ATL1: variants seen among roughly 807,000 people sequenced by gnomAD.
The protein encoded by ATL1 is atlastin GTPase 1.
In ATL1, 31 loss-of-function variants were observed where a neutral mutation model predicts 75.5. That is an observed-to-expected ratio of 0.41 (90% confidence interval 0.31 to 0.55). The LOEUF (loss-of-function observed/expected upper bound fraction) is 0.55, where lower values mean the gene tolerates loss of function less well. ATL1 is among the 20% of genes least tolerant of loss of function. The probability of loss-of-function intolerance (pLI) is 0.27; values close to 1 mark genes in which losing one functional copy is unlikely to be tolerated. For synonymous variants in ATL1, 226 were observed against 233.3 expected, an observed-to-expected ratio of 0.97 and a Z score of 0.28; for missense variants, 405 against 662.6, an observed-to-expected ratio of 0.61 and a Z score of 4.27.
chr14:50,595,957 C>T (rs532790547), intron 6 of ATL1, among the ~76,000 whole-genome samples: 1 of 151,282 alleles, frequency 6.6e-6, no homozygotes, highest in Admixed American at 6.6e-5. Context: ...TGGGCCCAGC[C>T]TCATTTATGT....
At chr14:50,562,146 G>C (rs936286653) in intron 1 of ATL1, among the ~76,000 whole-genome samples, 1 of 151,916 alleles carries the variant, frequency 6.6e-6, no homozygotes, top group Admixed American at 6.6e-5. Flanking sequence ...CCGGGTTCAC[G>C]CCATTCTCCT....
intron 1 of ATL1, among the ~76,000 whole-genome samples, chr14:50,574,929 GTGTGTGTGTATATATATA>G (rs1288700268): frequency 1.1e-5 from 1 of 93,470 alleles, no homozygotes; most frequent in African/African-American, 4.9e-5. Flanking sequence ...GTGTGTGTGT[GTGTGTGTGTATATATATA>G]TATATATATA....
intron 1 of ATL1, among the ~76,000 whole-genome samples, chr14:50,567,989 G>C (rs1804420061): frequency 6.6e-6 from 1 of 152,160 alleles, no homozygotes; most frequent in Non-Finnish European, 1.5e-5. Flanking sequence ...GTATTTGTCT[G>C]TTAGGTCTAA....
chr14:50,560,469 C>A (rs1436949976), intron 1 of ATL1, 170 bp downstream of exon 1: 3 of 866,060 alleles, frequency 3.5e-6, no homozygotes, highest in African/African-American at 3.4e-5. Context: ...CATGGCCGAG[C>A]GGTACCCGCG....
At chr14:50,556,213 A>C (rs967780642), upstream of ATL1, among the ~76,000 whole-genome samples, 6 of 152,044 alleles carry the variant, frequency 3.9e-5, no homozygotes, top group Non-Finnish European at 5.9e-5. Context: ...AGATTGTACA[A>C]TTCAGTGGAG....
chr14:50,545,449 G>A (rs1483524534), intron 1 of ATL1, among the ~76,000 whole-genome samples: 2 of 152,186 alleles, frequency 1.3e-5, no homozygotes, highest in Non-Finnish European at 1.5e-5. Context: ...CAGGGTGGTC[G>A]ACGGCATCCA....
At chr14:50,596,157 G>A (rs2039214743) in intron 6 of ATL1, among the ~76,000 whole-genome samples, 1 of 152,054 alleles carries the variant, frequency 6.6e-6, no homozygotes, top group African/African-American at 2.4e-5. Context: ...ATAATAAAAG[G>A]TTATTTCACC....
chr14:50,611,702 T>C (rs2039367991), intron 6 of ATL1, among the ~76,000 whole-genome samples: 1 of 152,154 alleles, frequency 6.6e-6, no homozygotes, highest in African/African-American at 2.4e-5. Context: ...GGGAAATGCA[T>C]ATTGAACACA....
chr14:50,596,549 G>T (rs987708232), intron 6 of ATL1, among the ~76,000 whole-genome samples: 1 of 152,138 alleles, frequency 6.6e-6, no homozygotes, highest in Non-Finnish European at 1.5e-5. Context: ...AGCATGCAAG[G>T]TGTATGTACA....
At chr14:50,542,240 G>A (rs12896680) in intron 1 of ATL1, among the ~76,000 whole-genome samples, 5 of 146,144 alleles carry the variant, frequency 3.4e-5, no homozygotes, top group African/African-American at 7.6e-5. Flanking sequence ...ATGAGAACAC[G>A]TGGACACAGG....
upstream of ATL1, among the ~76,000 whole-genome samples, chr14:50,557,940 A>G (rs1462553699): frequency 6.6e-6 from 1 of 152,234 alleles, no homozygotes; most frequent in African/African-American, 2.4e-5. Flanking sequence ...TCAAAGACAA[A>G]AAGGGACAAT....
At chr14:50,542,116 TTAG>T (rs1045501213) in intron 1 of ATL1, among the ~76,000 whole-genome samples, 2 of 150,324 alleles carry the variant, frequency 1.3e-5, no homozygotes, top group African/African-American at 4.9e-5. Context: ...CTTCTAGGTC[TTAG>T]TAGAGGCTAG....
In ATL1 at chr14:50,564,647, C is replaced by CAAAAA. The variant is rs60054322; in HGVS notation, c.34+4374_34+4378dup. On this transcript the variant is annotated intron_variant, in intron 1 of 13. Coordinates refer to ENST00000358385, the MANE Select transcript of ATL1 (RefSeq NM_015915.5). ...TGGGCGACAGAGCAAGATTCCGTCT[C>CAAAAA]AAAAAAAAAAAAAAAAAAAAAAAAA... Among the ~76,000 whole-genome samples, 392 of 40,004 alleles carry CAAAAA rather than the reference C, an allele frequency of 9.8e-3. 4 individuals are homozygous for CAAAAA. The highest frequency in any genetic ancestry group is 0.026 in the Middle Eastern group (1 of 38). The allele number at this position is 40,004 out of a possible 152,430, so 26.2% of individuals were successfully genotyped here.
chr14:50,581,295 TTA>T (rs1566720832), intron 1 of ATL1, among the ~76,000 whole-genome samples: 1 of 152,048 alleles, frequency 6.6e-6, no homozygotes, highest in South Asian at 2.1e-4. Flanking sequence ...AGCAAGTTTT[TTA>T]TATGTCATAT....
At chr14:50,609,506 T>G (rs1213226658) in intron 6 of ATL1, among the ~76,000 whole-genome samples, 1 of 152,062 alleles carries the variant, frequency 6.6e-6, no homozygotes, top group African/African-American at 2.4e-5. Context: ...TGGGATATCA[T>G]AATTCAACCA....
chr14:50,604,927 A>G (rs1284464405), intron 6 of ATL1, among the ~76,000 whole-genome samples: 2 of 152,074 alleles, frequency 1.3e-5, no homozygotes, highest in Non-Finnish European at 2.9e-5. Flanking sequence ...TGGTCTGTAG[A>G]TACTTCAAGT....
chr14:50,570,109 A>G (rs1450130481), intron 1 of ATL1, among the ~76,000 whole-genome samples: 1 of 152,166 alleles, frequency 6.6e-6, no homozygotes, highest in African/African-American at 2.4e-5. Flanking sequence ...GTTTTCAGCT[A>G]TTATTCTACA....
chr14:50,632,731 C>T lies in ATL1; in HGVS notation c.*392C>T. The T allele has an allele frequency of 4.7e-6, 1 of 211,456 alleles. No individual in the cohort carries two copies. The highest frequency in any genetic ancestry group is 1.1e-4 in the East Asian group (1 of 8,696). 13.1% of individuals were successfully genotyped at this position (211,456 alleles called of 1,614,324 possible). A position where few individuals can be genotyped will look rare whatever the true frequency, so the allele number is the denominator to read the frequency against. On this transcript the variant is annotated 3_prime_UTR_variant, in exon 14 of 14. Coordinates refer to ENST00000358385, the MANE Select transcript of ATL1 (RefSeq NM_015915.5). Reference sequence around the variant, plus strand: ...AAAATTTTAAATTATTTCACATTAGCCATTTGTTAAAACACAGCATCATAA... The same window carrying T: ...AAAATTTTAAATTATTTCACATTAGTCATTTGTTAAAACACAGCATCATAA...
intron 1 of ATL1, among the ~76,000 whole-genome samples, chr14:50,537,133 C>G (rs1046429668): frequency 6.6e-6 from 1 of 152,196 alleles, no homozygotes; most frequent in Admixed American, 6.5e-5. Flanking sequence ...GGCCCAGGGT[C>G]CCTGTGCTGT....
Sources: allele counts gnomAD v4.1 joint callset (sites outside exome capture counted in the v4.1 genomes callset), GRCh38; gene constraint gnomAD v4.1.1; transcripts MANE v1.5; gene names NCBI Gene and HGNC (gene_info 2026-07-23, HGNC 2026-07-21).